Variants in ANK2 observed in about 807,000 individuals in gnomAD.
The protein encoded by ANK2 is ankyrin 2.
Under a neutral mutation model 360.5 loss-of-function variants are expected in ANK2, and 83 were observed. The ratio of observed to expected loss-of-function variants is 0.23; its 90% CI spans 0.19 to 0.28. The LOEUF (loss-of-function observed/expected upper bound fraction) is 0.28. Among genes scored for constraint, ANK2 ranks in the 10% least tolerant of loss-of-function variants. The pLI is 1.00. For synonymous variants in ANK2, 1,740 were observed against 1,759.5 expected (o/e 0.99, Z 0.28); for missense variants, 4,201 against 4,795.7 (o/e 0.88, Z 3.66).
intron 1 of ANK2, chr4:113,145,525 A>G (rs2096795391): frequency 1.1e-6 from 1 of 944,030 alleles, no homozygotes; most frequent in African/African-American, 1.8e-5. Flanking sequence ...TGCATGGTGA[A>G]AAACAAAACA....
In ANK2 at chr4:113,339,117, A is replaced by G. The variant is rs72901918; in HGVS notation, c.3797-109A>G. 367 of 901,098 alleles carry G rather than the reference A, an allele frequency of 4.1e-4. No individual in the cohort carries two copies. The African/African-American group carries it at 4.9e-3, about 12-fold the overall frequency. The allele number at this position is 901,098 out of a possible 1,614,324, so 55.8% of individuals were successfully genotyped here. On this transcript the variant is annotated intron_variant, in intron 31 of 45. Transcript: ENST00000357077. The stretch of plus-strand genomic sequence containing the variant: ...TTAGTCATTTTGTTTTCAATGTGCC[A>G]TTTTGAGGGGTGGGATTTGGCTTGT...
At chr4:112,742,155 A>G in the ANK2 span, among the ~76,000 whole-genome samples, 1 of 151,986 alleles carries the variant, frequency 6.6e-6, no homozygotes, top group African/African-American at 2.4e-5. Context: ...GGTGGCATGT[A>G]CCTTAAGTCC....
the ANK2 span, among the ~76,000 whole-genome samples, chr4:112,729,442 C>T: frequency 6.6e-6 from 1 of 152,084 alleles, no homozygotes; most frequent in Admixed American, 6.6e-5. Flanking sequence ...ATTTAAGTGT[C>T]CATCAGTGGA....
the ANK2 span, among the ~76,000 whole-genome samples, chr4:112,790,457 G>A: frequency 6.7e-6 from 1 of 149,154 alleles, no homozygotes; most frequent in Non-Finnish European, 1.5e-5. Flanking sequence ...TTTCTTTCTA[G>A]TCAGGGGCCC....
At chr4:113,149,672 C>T (rs1322257700) in intron 1 of ANK2, among the ~76,000 whole-genome samples, 4 of 151,356 alleles carry the variant, frequency 2.6e-5, no homozygotes, top group African/African-American at 7.3e-5. Flanking sequence ...CCCAGGAGTT[C>T]AAAATAAGTC....
intron 1 of ANK2, among the ~76,000 whole-genome samples, chr4:113,159,191 C>CCA (rs57967546): frequency 0.16 from 22,179 of 141,820 alleles, 1,742 homozygotes; most frequent in South Asian, 0.2. Context: ...CTCTTTCCTT[C>CCA]CACACACACA....
At chr4:112,971,792 G>A (rs2039633504) in intron 2 of ANK2, among the ~76,000 whole-genome samples, 1 of 152,212 alleles carries the variant, frequency 6.6e-6, no homozygotes, top group Admixed American at 6.5e-5. Flanking sequence ...CTTCTGGCAG[G>A]TGCAGTAACA....
rs2096054554 is a variant in ANK2, at chr4:113,359,355, T to C, written c.10681+56T>C. 2.5e-6 allele frequency: 4 copies of C among 1,600,904 alleles called. No individual in the cohort carries two copies. In the African/African-American group the frequency reaches 5.3e-5, roughly 21 times the overall value. ...TACGCATGTCATAAAATTGATATAG[T>C]TTTTTTGTATGTTTGTTTTATTTGA... On this transcript the variant is annotated intron_variant, in intron 38 of 45. Transcript: ENST00000357077.
Position 113,302,816 on chromosome 4 carries a change from T to C in ANK2, c.2525T>C (p.Val842Ala), listed in dbSNP as rs755018814. 3 of 1,613,780 alleles carry C rather than the reference T, an allele frequency of 1.9e-6. No homozygotes were observed. Among genetic ancestry groups the C allele is most frequent in the Non-Finnish European group, 2.5e-6 (3 of 1,179,734 alleles). The change falls in exon 23 of 46, where the codon GTT becomes GCT. Residue 842 changes from valine (V) to alanine (A), a missense_variant. Physicochemically the swap from Val to Ala is moderately conservative, Grantham distance 64. Coordinates refer to ENST00000357077, the MANE Select transcript of ANK2 (RefSeq NM_001148.6). ...KLNVPETMTEVLDVSDEEGDD... is the reference protein window; with the variant it reads ...KLNVPETMTEALDVSDEEGDD... ...AATGTACCTGAGACGATGACTGAGG[T>C]TCTTGATGTTTCTGATGAAGAGGGT...
At chr4:113,343,288 A>G in intron 34 of ANK2, 146 bp downstream of exon 34, 2 of 892,286 alleles carry the variant, frequency 2.2e-6, no homozygotes, top group Non-Finnish European at 3.3e-6. Flanking sequence ...AGCCCTGGGA[A>G]ACAAATCATT....
At chr4:113,288,636 T>C (rs2065950129) in intron 20 of ANK2, 150 bp downstream of exon 20, 5 of 711,396 alleles carry the variant, frequency 7.0e-6, no homozygotes, top group East Asian at 2.7e-5. Flanking sequence ...TTTGTAATTA[T>C]TTGAGAATTT....
intron 1 of ANK2, among the ~76,000 whole-genome samples, chr4:113,060,503 A>G (rs2072681164): frequency 6.6e-6 from 1 of 152,022 alleles, no homozygotes; most frequent in Non-Finnish European, 1.5e-5. Flanking sequence ...GAGCTATCCC[A>G]GGTCAAACTG....
At chr4:113,222,859 C>T (rs1490925024) in intron 4 of ANK2, among the ~76,000 whole-genome samples, 1 of 152,216 alleles carries the variant, frequency 6.6e-6, no homozygotes, top group South Asian at 2.1e-4. Flanking sequence ...AATATCCTAA[C>T]CCTGGCTAAG....
chr4:112,852,134 C>G (rs959630765), intron 1 of ANK2, among the ~76,000 whole-genome samples: 1 of 152,186 alleles, frequency 6.6e-6, no homozygotes, highest in East Asian at 1.9e-4. Context: ...CTCTATTGCT[C>G]TAATACGTAT....
chr4:112,838,999 T>G (rs540241259), intron 1 of ANK2, among the ~76,000 whole-genome samples: 18 of 152,226 alleles, frequency 1.2e-4, no homozygotes, highest in Non-Finnish European at 1.8e-4. Context: ...TGGCCAATTT[T>G]TCCTCTTTCC....
At chr4:112,880,851 T>C (rs1205175164) in intron 1 of ANK2, 2 of 152,240 alleles carry the variant, frequency 1.3e-5, no homozygotes, top group African/African-American at 4.8e-5. Context: ...TCACCTTCAC[T>C]TGGAGTCCTA....
chr4:112,804,892 T>C, the ANK2 span, among the ~76,000 whole-genome samples: 1 of 150,068 alleles, frequency 6.7e-6, no homozygotes, highest in African/African-American at 2.5e-5. Flanking sequence ...AGCCCTGGAG[T>C]TCAAGGCTGT....
Position 113,356,943 on chromosome 4 carries a change from T to C in ANK2, c.8325T>C (p.His2775=), listed in dbSNP as rs1285361373. The change falls in exon 38 of 46, where the codon CAT becomes CAC. Residue 2775 remains histidine (H), a synonymous_variant. Coordinates refer to ENST00000357077, the MANE Select transcript of ANK2 (RefSeq NM_001148.6). The part of the protein sequence containing the change: ...DTDQPKICDG[H]GCEAMSPSSS... ...ATCAGCCAAAAATCTGTGATGGCCA[T>C]GGATGTGAGGCCATGAGTCCTAGCA... 1 of 1,613,928 alleles carries C rather than the reference T, an allele frequency of 6.2e-7. No individual in the cohort carries two copies. The highest frequency in any genetic ancestry group is 1.3e-5 in the African/African-American group (1 of 74,922).
intron 9 of ANK2, among the ~76,000 whole-genome samples, chr4:113,244,688 T>A (rs2041890740): frequency 6.6e-6 from 1 of 152,194 alleles, no homozygotes. Context: ...TACACAGGTA[T>A]TCACGTGCCA....
Sources: gnomAD v4.1 joint callset for allele counts (sites outside exome capture counted in the v4.1 genomes callset) on GRCh38, gnomAD v4.1.1 for gene constraint, MANE v1.5 for transcripts, NCBI Gene and HGNC (gene_info 2026-07-23, HGNC 2026-07-21) for gene names.